The following UBE2H variants were observed in gnomAD, a reference collection of about 807,000 sequenced individuals.
UBE2H encodes ubiquitin-conjugating enzyme E2 H.
A neutral mutation model predicts 29.0 loss-of-function variants in UBE2H; 3 were observed. The observed-to-expected ratio is 0.10, with a 90% CI of 0.05 to 0.27. The LOEUF is 0.27. Ranked by LOEUF, UBE2H falls within the 10% of genes least tolerant of loss-of-function variation. The probability of loss-of-function intolerance (pLI) is 1.00; values close to 1 mark genes in which losing one functional copy is unlikely to be tolerated. For missense variants in UBE2H, 68 were observed against 228.2 expected, an observed-to-expected ratio of 0.30 and a Z score of 4.52; for synonymous variants, 69 against 82.9, an observed-to-expected ratio of 0.83 and a Z score of 0.91.
chr7:129,914,295 G>A (rs1807000184), intron 1 of UBE2H, among the ~76,000 whole-genome samples: 1 of 151,984 alleles, frequency 6.6e-6, no homozygotes, highest in Admixed American at 6.6e-5. Context: ...AGCCTCCTCA[G>A]TAGCTGGGAC....
chr7:129,907,401 A>C (rs576807698), intron 1 of UBE2H, among the ~76,000 whole-genome samples: 1 of 152,154 alleles, frequency 6.6e-6, no homozygotes, highest in Non-Finnish European at 1.5e-5. Flanking sequence ...ATGATGTCCA[A>C]GGAATATCAT....
chr7:129,838,141 T>C (rs974404975), intron 6 of UBE2H, among the ~76,000 whole-genome samples: 3 of 152,242 alleles, frequency 2.0e-5, no homozygotes, highest in African/African-American at 7.2e-5. Flanking sequence ...TATATTTTGC[T>C]ACATAAATTA....
intron 1 of UBE2H, among the ~76,000 whole-genome samples, chr7:129,920,284 A>T (rs1477648281): frequency 6.6e-6 from 1 of 152,178 alleles, no homozygotes; most frequent in Non-Finnish European, 1.5e-5. Flanking sequence ...TGTAAAATAC[A>T]TTTCTTACTG....
At chr7:129,908,426 T>A (rs1289696026) in intron 1 of UBE2H, among the ~76,000 whole-genome samples, 1 of 152,222 alleles carries the variant, frequency 6.6e-6, no homozygotes, top group Non-Finnish European at 1.5e-5. Flanking sequence ...GAATATGCTT[T>A]CCTAGTTCAA....
chr7:129,851,774 G>A (rs1805614108), intron 5 of UBE2H, among the ~76,000 whole-genome samples: 1 of 152,164 alleles, frequency 6.6e-6, no homozygotes, highest in African/African-American at 2.4e-5. Flanking sequence ...TGTCCACTAA[G>A]TTGTTCAAAG....
chr7:129,852,969 G>C (rs1458764014), intron 5 of UBE2H, among the ~76,000 whole-genome samples: 1 of 152,082 alleles, frequency 6.6e-6, no homozygotes, highest in Non-Finnish European at 1.5e-5. Context: ...AAGGTGATCC[G>C]CCTGCCTTGT....
intron 5 of UBE2H, among the ~76,000 whole-genome samples, chr7:129,853,941 C>G (rs936311958): frequency 6.6e-6 from 1 of 152,100 alleles, no homozygotes; most frequent in Non-Finnish European, 1.5e-5. Flanking sequence ...GCTCCCTCAT[C>G]GAATCTACAG....
At position 129,937,101 on chromosome 7, in the gene UBE2H, G is replaced by A. The variant is rs138455902; in HGVS notation, c.53+15402C>T. ...TCCCAGCACTCTGGGAGGCTGAGGC[G>A]GATGGATCACGAGGTCAGGAGATCG... On this transcript the variant is annotated intron_variant, in intron 1 of 6. Coordinates refer to ENST00000355621, the MANE Select transcript of UBE2H (RefSeq NM_003344.4). Among the ~76,000 whole-genome samples, 1,173 of 152,106 alleles carry A rather than the reference G, an allele frequency of 7.7e-3. 9 individuals are homozygous for A. The highest frequency in any genetic ancestry group is 0.017 in the Middle Eastern group (5 of 294).
At chr7:129,887,382 C>T (rs143302476) in intron 1 of UBE2H, among the ~76,000 whole-genome samples, 10 of 151,778 alleles carry the variant, frequency 6.6e-5, no homozygotes, top group African/African-American at 1.2e-4. Context: ...CCACCACACC[C>T]GGCTAATTTT....
chr7:129,869,417 A>G (rs1047610223), intron 3 of UBE2H, among the ~76,000 whole-genome samples: 2 of 152,156 alleles, frequency 1.3e-5, no homozygotes, highest in African/African-American at 4.8e-5. Flanking sequence ...CCCAGGAATC[A>G]TTAATTCTTT....
intron 5 of UBE2H, among the ~76,000 whole-genome samples, chr7:129,843,950 G>A (rs1338516102): frequency 1.3e-5 from 2 of 152,126 alleles, no homozygotes; most frequent in African/African-American, 4.8e-5. Context: ...CACAGACAAC[G>A]TGTTATAAAA....
intron 1 of UBE2H, among the ~76,000 whole-genome samples, chr7:129,911,635 G>GT (rs1032601249): frequency 2.0e-5 from 3 of 151,548 alleles, no homozygotes; most frequent in Admixed American, 6.6e-5. Flanking sequence ...GCACATATAT[G>GT]TTTTTTTTAA....
intron 5 of UBE2H, among the ~76,000 whole-genome samples, chr7:129,842,793 C>T (rs898538866): frequency 2.6e-5 from 4 of 151,928 alleles, no homozygotes; most frequent in Non-Finnish European, 5.9e-5. Flanking sequence ...ATCCCAGCTA[C>T]TTGGGAGGCT....
At chr7:129,843,220 C>T (rs1353094147) in intron 5 of UBE2H, among the ~76,000 whole-genome samples, 3 of 151,904 alleles carry the variant, frequency 2.0e-5, no homozygotes, top group East Asian at 2.0e-4. Flanking sequence ...AGGATGGTCT[C>T]GATCTCCTGA....
At chr7:129,837,375 T>C (rs887083755) in intron 6 of UBE2H, among the ~76,000 whole-genome samples, 1 of 152,126 alleles carries the variant, frequency 6.6e-6, no homozygotes, top group African/African-American at 2.4e-5. Flanking sequence ...ATGTAACACT[T>C]GCAGAAAGGT....
chr7:129,949,077 G>C (rs754989336), intron 1 of UBE2H: 5 of 456,230 alleles, frequency 1.1e-5, no homozygotes, highest in South Asian at 6.2e-5. Flanking sequence ...TCCAAAACAA[G>C]CAGCTCTAGC....
rs1326392445 is a variant in UBE2H at position 129,952,622 on chromosome 7, G to T, written c.-67C>A. 6.4e-7 allele frequency: 1 copy of T among 1,572,282 alleles called. No individual in the cohort carries two copies. Among genetic ancestry groups the T allele is most frequent in the Non-Finnish European group, 8.6e-7 (1 of 1,160,598 alleles). Reference sequence around the variant, plus strand: ...ACGGGCCCGGGGCCCCGGCTCTGAGGAGCCCGCGGCCGCGCCGGCTCCTCG... The same window carrying T: ...ACGGGCCCGGGGCCCCGGCTCTGAGTAGCCCGCGGCCGCGCCGGCTCCTCG... On this transcript the variant is annotated 5_prime_UTR_variant, in exon 1 of 7. Coordinates refer to ENST00000355621, the MANE Select transcript of UBE2H (RefSeq NM_003344.4).
At chr7:129,857,768 C>A (rs1805732372) in intron 4 of UBE2H, among the ~76,000 whole-genome samples, 1 of 152,144 alleles carries the variant, frequency 6.6e-6, no homozygotes, top group Non-Finnish European at 1.5e-5. Context: ...AAAATAGTAA[C>A]TATGCAATGG....
intron 1 of UBE2H, among the ~76,000 whole-genome samples, chr7:129,907,210 G>A (rs748446810): frequency 1.3e-5 from 2 of 152,018 alleles, no homozygotes; most frequent in Non-Finnish European, 2.9e-5. Context: ...ACTTTGTTGG[G>A]TAAGATCAAA....
Sources: allele counts gnomAD v4.1 joint callset (sites outside exome capture counted in the v4.1 genomes callset), GRCh38; gene constraint gnomAD v4.1.1; transcripts MANE v1.5; gene names NCBI Gene and HGNC (gene_info 2026-07-23, HGNC 2026-07-21).